Variants in SBF2 observed in about 807,000 individuals in gnomAD.
The protein encoded by SBF2 is myotubularin-related protein 13.
SBF2 carries 112 observed loss-of-function variants against 225.2 expected under a neutral mutation model. That is an observed-to-expected ratio of 0.50 (90% CI 0.43 to 0.58). SBF2 has a LOEUF of 0.58. Among genes scored for constraint, SBF2 ranks in the 20% least tolerant of loss-of-function variants. SBF2 has a pLI of 0.00. For synonymous variants in SBF2, 763 were observed against 773.3 expected (o/e 0.99, Z 0.22); for missense variants, 1,996 against 2,206.2 (o/e 0.90, Z 1.91).
intron 13 of SBF2, among the ~76,000 whole-genome samples, chr11:9,982,430 T>C (rs1436781082): frequency 6.6e-6 from 1 of 152,254 alleles, no homozygotes; most frequent in Non-Finnish European, 1.5e-5. Context: ...GTGGTCTATT[T>C]TGATATACAG....
chr11:9,949,232 CCTAA>C (rs1338341989), intron 16 of SBF2, among the ~76,000 whole-genome samples: 18 of 152,158 alleles, frequency 1.2e-4, no homozygotes, highest in Middle Eastern at 6.8e-3. Flanking sequence ...TATTTGAAAA[CCTAA>C]CTGAGTCATC....
At chr11:9,937,858 C>G (rs1387910668) in intron 16 of SBF2, among the ~76,000 whole-genome samples, 1 of 151,934 alleles carries the variant, frequency 6.6e-6, no homozygotes, top group Non-Finnish European at 1.5e-5. Flanking sequence ...ACTTCACTCA[C>G]AATATCAGTA....
chr11:10,235,793 G>C (rs1325574506), intron 1 of SBF2, among the ~76,000 whole-genome samples: 1 of 152,086 alleles, frequency 6.6e-6, no homozygotes, highest in Non-Finnish European at 1.5e-5. Flanking sequence ...CATCATTCAA[G>C]ATAGGTAGCA....
At chr11:10,013,579 G>T (rs963753184) in intron 6 of SBF2, among the ~76,000 whole-genome samples, 1 of 152,180 alleles carries the variant, frequency 6.6e-6, no homozygotes, top group Non-Finnish European at 1.5e-5. Flanking sequence ...TAAACTCTTT[G>T]TACTGTCTTT....
At chr11:9,837,291 G>A (rs1275818101) in intron 26 of SBF2, among the ~76,000 whole-genome samples, 1 of 152,296 alleles carries the variant, frequency 6.6e-6, no homozygotes, top group African/African-American at 2.4e-5. Flanking sequence ...CCTTCAGGGC[G>A]CTACTCATGG....
In SBF2 at chr11:9,850,120, T is replaced by G. The variant is rs140152705; in HGVS notation, c.2709A>C (p.Gly903=). 8 of 1,613,934 alleles carry G rather than the reference T, an allele frequency of 5.0e-6. No homozygotes were observed. The highest frequency in any genetic ancestry group is 6.8e-6 in the Non-Finnish European group (8 of 1,179,850). ...LDPDGREEAT[G]GLLGGPQLLP... is the part of the protein sequence containing the mutation. The stretch of plus-strand genomic sequence containing the variant: ...GGAGCTGAGGGCCTCCAAGAAGACC[T>G]CCAGTAGCTTCTTCTCTTCCATCAG... The change falls in exon 22 of 40, where the codon GGA becomes GGC. Residue 903 remains glycine, a synonymous_variant. Transcript: ENST00000256190.
In SBF2 at chr11:9,954,397, G is replaced by A. The variant is rs576899978; in HGVS notation, c.1860+7560C>T. Among the ~76,000 whole-genome samples, 21 of 152,252 alleles carry A rather than the reference G, an allele frequency of 1.4e-4. No individual in the cohort carries two copies. In the South Asian group the frequency reaches 4.1e-3, roughly 30 times the overall value. On this transcript the variant is annotated intron_variant, in intron 16 of 39. Transcript: ENST00000256190. ...CAGAATGTCATGTTAAATCCCTGTT[G>A]ATAAGTACGTTGTTGCATCAAGAAT...
intron 33 of SBF2, 92 bp downstream of exon 33, chr11:9,795,739 G>T: frequency 6.8e-7 from 1 of 1,460,812 alleles, no homozygotes; most frequent in Non-Finnish European, 9.5e-7. Context: ...AACTCAGCTT[G>T]TCAGTCTTGG....
At chr11:10,107,565 T>C (rs1019867279) in intron 2 of SBF2, among the ~76,000 whole-genome samples, 1 of 152,192 alleles carries the variant, frequency 6.6e-6, no homozygotes, top group Middle Eastern at 3.2e-3. Flanking sequence ...GGGTCCAAAA[T>C]CAAAGTGTTG....
intron 17 of SBF2, among the ~76,000 whole-genome samples, chr11:9,882,583 C>T (rs183488537): frequency 1.5e-3 from 233 of 151,838 alleles, no homozygotes; most frequent in Non-Finnish European, 7.2e-4. Flanking sequence ...CCAAGGCGGG[C>T]GGATCACAAA....
chr11:10,095,224 A>G (rs1198518552), intron 2 of SBF2, among the ~76,000 whole-genome samples: 1 of 152,076 alleles, frequency 6.6e-6, no homozygotes, highest in Non-Finnish European at 1.5e-5. Context: ...TGTCCTGCCT[A>G]TATTTGGTTT....
intron 16 of SBF2, among the ~76,000 whole-genome samples, chr11:9,945,793 A>G (rs1254820785): frequency 6.6e-6 from 1 of 152,252 alleles, no homozygotes; most frequent in Non-Finnish European, 1.5e-5. Flanking sequence ...ACACTTCTCA[A>G]AAGAAGACAT....
intron 6 of SBF2, among the ~76,000 whole-genome samples, chr11:10,027,724 T>G (rs892273233): frequency 6.6e-6 from 1 of 152,168 alleles, no homozygotes; most frequent in Non-Finnish European, 1.5e-5. Flanking sequence ...TTAAATAATG[T>G]AAAAGCTGTC....
At chr11:9,793,041 G>C (rs1852862586) in intron 33 of SBF2, among the ~76,000 whole-genome samples, 1 of 150,540 alleles carries the variant, frequency 6.6e-6, no homozygotes, top group Non-Finnish European at 1.5e-5. Flanking sequence ...GCCTCTCAAA[G>C]TGCTAGGATT....
At chr11:10,232,531 GTTTC>G (rs1235432528) in intron 1 of SBF2, among the ~76,000 whole-genome samples, 3 of 151,508 alleles carry the variant, frequency 2.0e-5, no homozygotes, top group African/African-American at 7.3e-5. Context: ...AAGTAGTAGG[GTTTC>G]TTTTTTACAT....
intron 1 of SBF2, among the ~76,000 whole-genome samples, chr11:10,254,912 A>T (rs928371563): frequency 3.7e-5 from 2 of 53,956 alleles, no homozygotes; most frequent in African/African-American, 1.0e-4. Context: ...AAAAAAAAAA[A>T]AAAAAAAAAA....
chr11:9,876,078 A>G (rs1201609670), intron 17 of SBF2, among the ~76,000 whole-genome samples: 1 of 152,176 alleles, frequency 6.6e-6, no homozygotes, highest in Non-Finnish European at 1.5e-5. Flanking sequence ...TTTATAAGGT[A>G]TTAAACGATC....
At chr11:10,292,942 G>C (rs1964262163) in intron 1 of SBF2, among the ~76,000 whole-genome samples, 1 of 152,088 alleles carries the variant, frequency 6.6e-6, no homozygotes, top group South Asian at 2.1e-4. Context: ...AGGAGAGGAA[G>C]TTCTTAGGAG....
intron 16 of SBF2, among the ~76,000 whole-genome samples, chr11:9,898,390 G>A (rs922401651): frequency 1.3e-5 from 2 of 152,170 alleles, no homozygotes; most frequent in African/African-American, 4.8e-5. Flanking sequence ...GGATTATAAG[G>A]CTGGGCACGG....
Sources: gnomAD v4.1 joint callset for allele counts (sites outside exome capture counted in the v4.1 genomes callset) on GRCh38, gnomAD v4.1.1 for gene constraint, MANE v1.5 for transcripts, NCBI Gene and HGNC (gene_info 2026-07-23, HGNC 2026-07-21) for gene names.